PASD1: variants seen among roughly 807,000 people sequenced by gnomAD.
The protein encoded by PASD1 is PAS domain containing repressor 1, also known as circadian clock protein PASD1.
Under a neutral mutation model 58.8 loss-of-function variants are expected in PASD1, and 13 were observed. The ratio of observed to expected loss-of-function variants is 0.22; its 90% CI spans 0.14 to 0.35. PASD1 has a LOEUF of 0.35. Ranked by LOEUF, PASD1 falls within the 10% of genes least tolerant of loss-of-function variation. The pLI, the probability that PASD1 is intolerant of heterozygous loss-of-function variation, is 1.00. For missense variants in PASD1, 734 were observed against 568.3 expected (o/e 1.29, Z -2.96); for synonymous variants, 236 against 216.7 (o/e 1.09, Z -0.78).
chrX:151,615,399 A>G lies in PASD1; in HGVS notation c.207+3646A>G, dbSNP rs750409151. ...AAACAATAGACTTGATTTACCTGAG[A>G]TCAGTGTACTTAAAAATAAATGTAT... is the stretch of plus-strand genomic sequence containing the variant. On this transcript the variant is annotated intron_variant, in intron 4 of 15. Transcript: ENST00000370357. 8.1e-5 allele frequency among the ~76,000 whole-genome samples: 9 copies of G among 111,444 alleles called. No homozygotes were observed. In the East Asian group the frequency reaches 2.5e-3, roughly 31 times the overall value.
In PASD1 at chrX:151,664,206, A is replaced by G; in HGVS notation, c.929A>G (p.Gln310Arg). The change falls in exon 11 of 16, where the codon CAG becomes CGG. Residue 310 changes from glutamine (Q) to arginine (R), a missense_variant. Gln to Arg is a conservative substitution (Grantham distance 43). Coordinates refer to ENST00000370357, the MANE Select transcript of PASD1 (RefSeq NM_173493.3). ...DPVDLEFSVDQVDSVDQEGPM... is the reference protein window; with the variant it reads ...DPVDLEFSVDRVDSVDQEGPM... ...GTGGACCTGGAGTTCTCGGTGGATC[A>G]GGTGGACTCAGTGGACCAGGAGGGC... 3 of 1,210,006 alleles carry G rather than the reference A, an allele frequency of 2.5e-6. No homozygotes were observed. The highest frequency in any genetic ancestry group is 3.4e-6 in the Non-Finnish European group (3 of 894,888).
intron 1 of PASD1, among the ~76,000 whole-genome samples, chrX:151,577,368 A>G (rs998183757): frequency 5.3e-5 from 6 of 112,211 alleles, no homozygotes; most frequent in Middle Eastern, 4.6e-3. Context: ...TTCTGTCTTC[A>G]AAGTTATTTC....
intron 7 of PASD1, 136 bp from the exon 8 acceptor site, chrX:151,625,312 T>G (rs1313482603): frequency 2.0e-5 from 9 of 443,200 alleles, no homozygotes; most frequent in Non-Finnish European, 3.1e-5. Flanking sequence ...TCTGTAAAAC[T>G]CCAGTGCATT....
At chrX:151,644,998 A>T (rs1489995040) in intron 8 of PASD1, among the ~76,000 whole-genome samples, 1 of 110,858 alleles carries the variant, frequency 9.0e-6, no homozygotes, top group African/African-American at 3.3e-5. Context: ...TGGGCTTTGG[A>T]GCTGCTAGTA....
chrX:151,653,760 TTC>T (rs2014172905), intron 9 of PASD1, among the ~76,000 whole-genome samples: 1 of 2,526 alleles, frequency 4.0e-4, no homozygotes, highest in Admixed American at 6.5e-3. Context: ...CCTTCTTTCT[TTC>T]TTTCTTTCTT....
chrX:151,672,965 C>T (rs2014498271), intron 14 of PASD1: 1 of 270,048 alleles, frequency 3.7e-6, no homozygotes, highest in Non-Finnish European at 6.4e-6. Flanking sequence ...CTGGATTCCC[C>T]AAGCCCAGTC....
chrX:151,616,745 CTT>C (rs971223390), intron 4 of PASD1, among the ~76,000 whole-genome samples: 3 of 111,586 alleles, frequency 2.7e-5, no homozygotes, highest in Non-Finnish European at 5.7e-5. Context: ...GAGATTAAAA[CTT>C]AGCAGGTTTT....
At chrX:151,670,351 T>C (rs750925407) in intron 11 of PASD1, among the ~76,000 whole-genome samples, 1 of 112,111 alleles carries the variant, frequency 8.9e-6, no homozygotes, top group Admixed American at 9.5e-5. Context: ...TGCCTGAACC[T>C]GTACAAAACT....
At chrX:151,630,206 A>C (rs1318698857) in intron 8 of PASD1, among the ~76,000 whole-genome samples, 1 of 111,389 alleles carries the variant, frequency 9.0e-6, no homozygotes, top group Non-Finnish European at 1.9e-5. Flanking sequence ...TGTCCCTCTC[A>C]TATCCCTCCC....
chrX:151,622,247 T>C (rs2013722262), intron 6 of PASD1, among the ~76,000 whole-genome samples: 1 of 110,853 alleles, frequency 9.0e-6, no homozygotes, highest in Non-Finnish European at 1.9e-5. Context: ...TTAACATAAA[T>C]TAATTAATAT....
At chrX:151,611,042 G>T (rs1218675556) in intron 3 of PASD1, among the ~76,000 whole-genome samples, 2 of 111,468 alleles carry the variant, frequency 1.8e-5, no homozygotes, top group Non-Finnish European at 3.8e-5. Flanking sequence ...ATCAGTGTTG[G>T]AAGATAGTCT....
In PASD1 at chrX:151,564,614, C is replaced by T. The variant is rs952141889; in HGVS notation, c.-28+775C>T. ...TGTATCTGAAGACCGATAATGGAGG[C>T]GAACGTCGGTGCGGTGGCAGGCATC... On this transcript the variant is annotated intron_variant, in intron 1 of 15. Coordinates refer to ENST00000370357, the MANE Select transcript of PASD1 (RefSeq NM_173493.3). Among the ~76,000 whole-genome samples, 27 of 109,538 alleles carry T rather than the reference C, an allele frequency of 2.5e-4. No homozygotes were observed. In the Admixed American group the frequency reaches 2.5e-3, roughly 10 times the overall value.
intron 7 of PASD1, 79 bp from the exon 8 acceptor site, chrX:151,625,369 C>T: frequency 1.5e-6 from 1 of 680,361 alleles, no homozygotes; most frequent in Non-Finnish European, 2.2e-6. Flanking sequence ...TATGAGCATG[C>T]CTCCAAAATT....
intron 1 of PASD1, among the ~76,000 whole-genome samples, chrX:151,585,331 C>T (rs1234408500): frequency 1.8e-5 from 2 of 112,074 alleles, no homozygotes; most frequent in African/African-American, 6.5e-5. Flanking sequence ...GATCATACCT[C>T]AAAAAGATCT....
chrX:151,574,922 G>A (rs1394747450), intron 1 of PASD1, among the ~76,000 whole-genome samples: 1 of 111,941 alleles, frequency 8.9e-6, no homozygotes, highest in East Asian at 2.8e-4. Flanking sequence ...AAAGTGTTGG[G>A]ATTACAGGTG....
chrX:151,654,222 A>G (rs774967266), intron 9 of PASD1, among the ~76,000 whole-genome samples: 1 of 109,610 alleles, frequency 9.1e-6, no homozygotes, highest in African/African-American at 3.3e-5. Context: ...CTCCCACCTC[A>G]GCCTCCCAAA....
chrX:151,620,850 T>A, intron 4 of PASD1, 80 bp from the exon 5 acceptor site: 1 of 597,589 alleles, frequency 1.7e-6, no homozygotes. Flanking sequence ...AACTGAACAG[T>A]ATTAACACAG....
At chrX:151,671,329 C>G in intron 12 of PASD1, 133 bp downstream of exon 12, 1 of 807,029 alleles carries the variant, frequency 1.2e-6, no homozygotes, top group Non-Finnish European at 1.8e-6. Flanking sequence ...CTGCTGCCCA[C>G]AGGGTGATAT....
At chrX:151,624,756 T>TG (rs2013762156) in intron 7 of PASD1, among the ~76,000 whole-genome samples, 1 of 111,945 alleles carries the variant, frequency 8.9e-6, no homozygotes, top group African/African-American at 3.2e-5. Flanking sequence ...TTAGAAACTG[T>TG]GGAGGGGGCC....
Sources: gnomAD v4.1 joint callset for allele counts (sites outside exome capture counted in the v4.1 genomes callset) on GRCh38, gnomAD v4.1.1 for gene constraint, MANE v1.5 for transcripts, NCBI Gene and HGNC (gene_info 2026-07-23, HGNC 2026-07-21) for gene names.